The following STARD13 variants were observed in gnomAD, a reference collection of about 807,000 sequenced individuals.
The protein encoded by STARD13 is StAR related lipid transfer domain containing 13.
STARD13 carries 62 observed loss-of-function variants against 106.4 expected under a neutral mutation model. The observed-to-expected ratio is 0.58, with a 90% CI of 0.48 to 0.72. The LOEUF (loss-of-function observed/expected upper bound fraction) is 0.72. Among genes scored for constraint, STARD13 ranks in the 30% least tolerant of loss-of-function variants. The pLI, the probability that STARD13 is intolerant of heterozygous loss-of-function variation, is 0.00. For missense variants in STARD13, 1,387 were observed against 1,424.0 expected (o/e 0.97, Z 0.42); for synonymous variants, 565 against 553.0 (o/e 1.02, Z -0.31).
intron 6 of STARD13, 125 bp from the exon 7 acceptor site, chr13:33,126,365 AC>A: frequency 1.1e-6 from 1 of 901,492 alleles, no homozygotes; most frequent in Non-Finnish European, 1.8e-6. Flanking sequence ...GGTGAATTCA[AC>A]ATTCTCTCTG....
chr13:33,624,717 T>G, the STARD13 span, among the ~76,000 whole-genome samples: 1 of 152,208 alleles, frequency 6.6e-6, no homozygotes, highest in South Asian at 2.1e-4. Context: ...AGTCATTATT[T>G]GGATGTAGGT....
At chr13:33,373,837 G>C in the STARD13 span, among the ~76,000 whole-genome samples, 1 of 151,960 alleles carries the variant, frequency 6.6e-6, no homozygotes, top group Non-Finnish European at 1.5e-5. Flanking sequence ...CACACTGCTG[G>C]CAGGAATGTA....
chr13:33,499,764 T>A, the STARD13 span, among the ~76,000 whole-genome samples: 1 of 126,806 alleles, frequency 7.9e-6, no homozygotes, highest in Non-Finnish European at 1.6e-5. Context: ...CTTCTTTCTT[T>A]TTTTTTTTTT....
chr13:33,120,776 C>CT (rs201604710), intron 7 of STARD13, among the ~76,000 whole-genome samples: 44,475 of 147,122 alleles, frequency 0.3, 7,763 homozygotes, highest in Non-Finnish European at 0.41. Flanking sequence ...TATTTCCTGA[C>CT]TTTTTTTTTT....
chr13:33,299,222 C>T (rs1232058182), intron 1 of STARD13, among the ~76,000 whole-genome samples: 1 of 152,132 alleles, frequency 6.6e-6, no homozygotes, highest in East Asian at 1.9e-4. Flanking sequence ...GTTCACACAA[C>T]AACAAAATCA....
At chr13:33,119,949 A>C (rs1334006367) in intron 7 of STARD13, among the ~76,000 whole-genome samples, 1 of 152,224 alleles carries the variant, frequency 6.6e-6, no homozygotes, top group Non-Finnish European at 1.5e-5. Context: ...AAAAAATTCA[A>C]GATGTCAGGT....
At position 33,167,980 on chromosome 13, in the gene STARD13, C is replaced by CT. The variant is rs34360802; in HGVS notation, c.170-359dup. 9.4e-5 allele frequency among the ~76,000 whole-genome samples: 14 copies of CT among 149,460 alleles called. No individual in the cohort carries two copies. In the East Asian group the frequency reaches 1.8e-3, roughly 19 times the overall value. On this transcript the variant is annotated intron_variant, in intron 1 of 13. Transcript: ENST00000336934. ...AAAGAGGGCATTCTTCTTTACAATTCTTTTTTTTTTTAATGGAATTTTTTT... is the reference window on the plus strand; with the variant it reads ...AAAGAGGGCATTCTTCTTTACAATTCTTTTTTTTTTTTAATGGAATTTTTTT...
chr13:33,407,768 C>T, the STARD13 span, among the ~76,000 whole-genome samples: 3 of 152,162 alleles, frequency 2.0e-5, no homozygotes, highest in African/African-American at 7.2e-5. Flanking sequence ...TTGCCTTAAC[C>T]GCCTGGGTGG....
chr13:33,576,773 T>C, the STARD13 span, among the ~76,000 whole-genome samples: 1 of 152,196 alleles, frequency 6.6e-6, no homozygotes, highest in East Asian at 1.9e-4. Flanking sequence ...CATATTACAA[T>C]ATTTAATTAG....
chr13:33,144,750 C>T (rs1593958390), intron 3 of STARD13, among the ~76,000 whole-genome samples: 1 of 152,234 alleles, frequency 6.6e-6, no homozygotes, highest in South Asian at 2.1e-4. Context: ...GGATATTGCA[C>T]ATTTGGTGGC....
chr13:33,272,355 C>T (rs1010879733), intron 1 of STARD13, among the ~76,000 whole-genome samples: 1 of 152,172 alleles, frequency 6.6e-6, no homozygotes, highest in African/African-American at 2.4e-5. Flanking sequence ...GATTCTGAAG[C>T]GTTTCAGACT....
intron 1 of STARD13, among the ~76,000 whole-genome samples, chr13:33,225,234 C>T (rs1888560683): frequency 6.6e-6 from 1 of 152,136 alleles, no homozygotes; most frequent in South Asian, 2.1e-4. Context: ...ATACCAAGTG[C>T]TATGCCAGAA....
chr13:33,414,168 G>A, the STARD13 span, among the ~76,000 whole-genome samples: 1 of 151,952 alleles, frequency 6.6e-6, no homozygotes, highest in African/African-American at 2.4e-5. Flanking sequence ...TTTAAAAATA[G>A]AGAAGACACT....
the STARD13 span, among the ~76,000 whole-genome samples, chr13:33,602,863 A>G: frequency 5.9e-5 from 9 of 152,182 alleles, no homozygotes; most frequent in Non-Finnish European, 1.2e-4. Flanking sequence ...AAACAATTTC[A>G]TCTGAAACCA....
intron 1 of STARD13, among the ~76,000 whole-genome samples, chr13:33,296,422 T>G (rs143662213): frequency 0.014 from 922 of 65,116 alleles, 10 homozygotes; most frequent in African/African-American, 0.045. Flanking sequence ...ATACAACACC[T>G]CACATAGTGA....
chr13:33,485,434 T>C, the STARD13 span, among the ~76,000 whole-genome samples: 1 of 141,026 alleles, frequency 7.1e-6, no homozygotes, highest in Non-Finnish European at 1.5e-5. Context: ...GCCCTCAAAC[T>C]TAAAAAAAAA....
At chr13:33,275,522 A>T (rs1385318412) in intron 1 of STARD13, among the ~76,000 whole-genome samples, 1 of 152,196 alleles carries the variant, frequency 6.6e-6, no homozygotes, top group Non-Finnish European at 1.5e-5. Flanking sequence ...GCTAAGAAAC[A>T]TTAAGTGACT....
the STARD13 span, among the ~76,000 whole-genome samples, chr13:33,490,481 A>G: frequency 2.0e-5 from 3 of 152,202 alleles, no homozygotes; most frequent in Non-Finnish European, 2.9e-5. Flanking sequence ...CGACAGTGGA[A>G]CAACGCGGCA....
chr13:33,120,243 A>G (rs1876060928), intron 7 of STARD13, among the ~76,000 whole-genome samples: 1 of 152,194 alleles, frequency 6.6e-6, no homozygotes, highest in African/African-American at 2.4e-5. Flanking sequence ...TTTCTGTTTA[A>G]ATTGTCGAGC....
Sources: gnomAD v4.1 joint callset for allele counts (sites outside exome capture counted in the v4.1 genomes callset) on GRCh38, gnomAD v4.1.1 for gene constraint, MANE v1.5 for transcripts, NCBI Gene and HGNC (gene_info 2026-07-23, HGNC 2026-07-21) for gene names.